The following DNMT1 variants were observed in gnomAD, a reference collection of about 807,000 sequenced individuals.
The protein encoded by DNMT1 is DNA methyltransferase 1, also known as DNA (cytosine-5)-methyltransferase 1.
In DNMT1, 24 loss-of-function variants were observed where a neutral mutation model predicts 205.3. The ratio of observed to expected loss-of-function variants is 0.12; its 90% CI spans 0.08 to 0.16. The LOEUF is 0.16. Ranked by LOEUF, DNMT1 falls within the 10% of genes least tolerant of loss-of-function variation. DNMT1 has a pLI of 1.00. For synonymous variants in DNMT1, 817 were observed against 839.8 expected (o/e 0.97, Z 0.47); for missense variants, 1,293 against 2,177.7 (o/e 0.59, Z 8.09).
intron 30 of DNMT1, 157 bp from the exon 31 acceptor site, chr19:10,141,346 T>C (rs1010663647): frequency 1.7e-5 from 12 of 720,874 alleles, no homozygotes; most frequent in East Asian, 2.7e-5. Context: ...TTTGCTACAA[T>C]AGAAACTTAA....
In DNMT1 at chr19:10,173,096, A is replaced by G. The variant is rs1435887591; in HGVS notation, c.762T>C (p.Asp254=). The G allele has an allele frequency of 6.2e-7, 1 of 1,613,986 alleles. No individual in the cohort carries two copies. Among genetic ancestry groups the G allele is most frequent in the African/African-American group, 1.3e-5 (1 of 74,910 alleles). The change falls in exon 9 of 41, where the codon GAT becomes GAC. Residue 254 remains aspartate, a synonymous_variant. Transcript: ENST00000359526. The part of the protein sequence containing the change: ...GTRTEKEEER[D]EKEEKRLRSQ... Reference sequence around the variant, plus strand: ...AGAGGTGATAGAGCTTTACTTTTTCATCTCTTTCTTCTTCCTTTTCAGTGC... The same window carrying G: ...AGAGGTGATAGAGCTTTACTTTTTCGTCTCTTTCTTCTTCCTTTTCAGTGC...
intron 1 of DNMT1, 78 bp from the exon 2 acceptor site, chr19:10,182,155 A>G (rs2039059209): frequency 3.4e-6 from 5 of 1,491,016 alleles, no homozygotes; most frequent in Non-Finnish European, 4.7e-6. Context: ...TCACAGTTCT[A>G]AAGAAGTTTT....
In DNMT1 at chr19:10,154,314, G is replaced by T. The variant is rs1247259507; in HGVS notation, c.1998C>A (p.Arg666=). The change falls in exon 22 of 41, where the codon CGC becomes CGA. Residue 666 remains arginine, a synonymous_variant. Coordinates refer to ENST00000359526, the MANE Select transcript of DNMT1 (RefSeq NM_001130823.3). The surrounding 1 kb of genome is among the most constrained non-coding windows in gnomAD (Gnocchi z 6.3). Reference sequence around the variant, plus strand: ...TTACCTCACAGACGCCACATCGCCGGCGCTTAAAGGCGTTCTCCTTGTCTT... The same window carrying T: ...TTACCTCACAGACGCCACATCGCCGTCGCTTAAAGGCGTTCTCCTTGTCTT... The part of the protein sequence containing the change: ...DREDKENAFK[R]RRCGVCEVCQ... The T allele has an allele frequency of 6.2e-7, 1 of 1,614,040 alleles. No individual in the cohort carries two copies. Among genetic ancestry groups the T allele is most frequent in the Non-Finnish European group, 8.5e-7 (1 of 1,180,010 alleles).
intron 13 of DNMT1, among the ~76,000 whole-genome samples, chr19:10,162,028 G>A (rs1009469031): frequency 1.3e-5 from 2 of 151,884 alleles, no homozygotes; most frequent in African/African-American, 4.8e-5. Flanking sequence ...TTTTAGTAGA[G>A]ACAGGGTTTC....
In DNMT1 at chr19:10,173,155, C is replaced by T. The variant is rs769029526; in HGVS notation, c.703G>A (p.Ala235Thr). 16 of 1,614,022 alleles carry T rather than the reference C, an allele frequency of 9.9e-6. No homozygotes were observed. The highest frequency in any genetic ancestry group is 1.4e-5 in the Non-Finnish European group (16 of 1,180,034). ...GATTTTGCTCTTTCAGGTTCTTCTG[C>T]AGGAAGCGGTCTAGCAACTCTGTCA... ...SRERVARPLP[A>T]EEPERAKSGT... The change falls in exon 9 of 41, where the codon GCA (alanine) becomes ACA (threonine). Residue 235 changes from alanine to threonine, a missense_variant. Transcript: ENST00000359526.
rs2145311605 is a variant in DNMT1 at position 10,156,009 on chromosome 19, T to C, written c.1400-64A>G. ...CACATCCCAAACCCAGGAGGCGCTC[T>C]AAGCGCCCACTCAGCAGACATCCCA... is the stretch of plus-strand genomic sequence containing the variant. On this transcript the variant is annotated intron_variant, in intron 18 of 40. Transcript: ENST00000359526. This position sits in a 1 kb window ranked among gnomAD's most constrained non-coding sequence, Gnocchi z 4.2. 21 of 1,536,300 alleles carry C rather than the reference T, an allele frequency of 1.4e-5. No individual in the cohort carries two copies. Among genetic ancestry groups the C allele is most frequent in the Non-Finnish European group, 1.7e-5 (19 of 1,125,036 alleles).
At chr19:10,139,330 C>T (rs907141795) in intron 34 of DNMT1, among the ~76,000 whole-genome samples, 4 of 152,348 alleles carry the variant, frequency 2.6e-5, no homozygotes, top group South Asian at 4.1e-4. Context: ...CTTCCCCTCC[C>T]GCTCTGTGCA....
Position 10,194,880 on chromosome 19 carries a change from G to A in DNMT1, c.20C>T (p.Pro7Leu), listed in dbSNP as rs1599417000. ...GACGGCCAGTGTGGGCACCCGGGCTGGGGCGGTACGCGCCGGCATCTCGGA... is the reference window on the plus strand; with the variant it reads ...GACGGCCAGTGTGGGCACCCGGGCTAGGGCGGTACGCGCCGGCATCTCGGA... MPARTA[P>L]ARVPTLAVPA... The change falls in exon 1 of 41, where the codon CCA becomes CTA. Residue 7 changes from proline (P) to leucine (L), a missense_variant. Transcript: ENST00000359526. The A allele has an allele frequency of 1.9e-6, 3 of 1,610,246 alleles. No homozygotes were observed. The highest frequency in any genetic ancestry group is 2.5e-6 in the Non-Finnish European group (3 of 1,178,708).
Position 10,154,169 on chromosome 19 carries a change from G to A in DNMT1, c.2019+124C>T. ...CCTCCCAGACCACTAACTAATTTCT[G>A]TCTCAGGGGTCACATTTGAGCAGCC... is the stretch of plus-strand genomic sequence containing the variant. On this transcript the variant is annotated intron_variant, in intron 22 of 40. Transcript: ENST00000359526. The surrounding 1 kb of genome is among the most constrained non-coding windows in gnomAD (Gnocchi z 6.3). 9.8e-7 allele frequency: 1 copy of A among 1,015,786 alleles called. No individual in the cohort carries two copies. The highest frequency in any genetic ancestry group is 1.3e-5 in the South Asian group (1 of 77,308). 62.9% of individuals were successfully genotyped at this position (1,015,786 alleles called of 1,614,324 possible).
In DNMT1 at chr19:10,154,050, C is replaced by A. The variant is rs1300272599; in HGVS notation, c.2019+243G>T. ...ACAGCAGAGCCACCCAGAAGCCAGGCTCTTCAATTAAGGACAGTGGCATTA... is the reference window on the plus strand; with the variant it reads ...ACAGCAGAGCCACCCAGAAGCCAGGATCTTCAATTAAGGACAGTGGCATTA... On this transcript the variant is annotated intron_variant, in intron 22 of 40. Transcript: ENST00000359526. The surrounding 1 kb of genome is among the most constrained non-coding windows in gnomAD (Gnocchi z 6.3). 6.6e-6 allele frequency among the ~76,000 whole-genome samples: 1 copy of A among 152,222 alleles called. No individual in the cohort carries two copies. Among genetic ancestry groups the A allele is most frequent in the Admixed American group, 6.5e-5 (1 of 15,280 alleles).
At chr19:10,134,160 C>A in intron 40 of DNMT1, 57 bp downstream of exon 40, 1 of 1,591,528 alleles carries the variant, frequency 6.3e-7, no homozygotes, top group Non-Finnish European at 8.6e-7. Flanking sequence ...ACTGCCCCCA[C>A]ATGTACCCCC....
Position 10,140,464 on chromosome 19 carries a change from G to A in DNMT1, c.3524-136C>T, listed in dbSNP as rs931904579. On this transcript the variant is annotated intron_variant, in intron 32 of 40. Transcript: ENST00000359526. The surrounding 1 kb of genome is among the most constrained non-coding windows in gnomAD (Gnocchi z 8.4). ...GGCTCACTGCAAGCTCTGCCTCCCAGGTTCAAGCGATTCTCCCACCTCAGC... is the reference window on the plus strand; with the variant it reads ...GGCTCACTGCAAGCTCTGCCTCCCAAGTTCAAGCGATTCTCCCACCTCAGC... 1 of 1,309,766 alleles carries A rather than the reference G, an allele frequency of 7.6e-7. No homozygotes were observed. The highest frequency in any genetic ancestry group is 1.5e-5 in the African/African-American group (1 of 68,048). The allele number at this position is 1,309,766 out of a possible 1,614,324, so 81.1% of individuals were successfully genotyped here.
chr19:10,193,513 G>A (rs553734292), intron 1 of DNMT1, among the ~76,000 whole-genome samples: 31 of 151,936 alleles, frequency 2.0e-4, no homozygotes, highest in African/African-American at 7.2e-4. Context: ...ACAGGCGCAC[G>A]GCACTACTCC....
rs1568240658 is a variant in DNMT1, at chr19:10,162,784, T to C, written c.927-36A>G. On this transcript the variant is annotated intron_variant, in intron 12 of 40. Transcript: ENST00000359526. ...AACAGATACACAGCAAGTAGCAGCT[T>C]AGAAACACTAACCACATCGCCAACT... 3.1e-6 allele frequency: 5 copies of C among 1,607,878 alleles called. No individual in the cohort carries two copies. In the East Asian group the frequency reaches 6.7e-5, roughly 22 times the overall value.
intron 12 of DNMT1, 85 bp from the exon 13 acceptor site, chr19:10,162,833 G>A: frequency 7.0e-7 from 1 of 1,437,520 alleles, no homozygotes. Flanking sequence ...ACAAACTAAT[G>A]CCTCCCCATG....
Position 10,159,714 on chromosome 19 carries a change from G to A in DNMT1, c.1224C>T (p.Asn408=), listed in dbSNP as rs199584370. Residue 408 remains asparagine (N), a synonymous_variant, in exon 17 of 41, where the codon AAC becomes AAT. Coordinates refer to ENST00000359526, the MANE Select transcript of DNMT1 (RefSeq NM_001130823.3). The surrounding 1 kb of genome is among the most constrained non-coding windows in gnomAD (Gnocchi z 5.0). ...CCTCATAACTCTCAAAGCCAGACTC[G>A]TTGGCATCAAAGATGGACAGCTTCT... ...TNEKLSIFDA[N]ESGFESYEAL... 2.3e-4 allele frequency: 373 copies of A among 1,614,178 alleles called. No homozygotes were observed. Among genetic ancestry groups the A allele is most frequent in the Non-Finnish European group, 1.9e-4 (229 of 1,180,026 alleles).
rs2038526466 is a variant in DNMT1 at position 10,159,666 on chromosome 19, G to A, written c.1272C>T (p.Thr424=). The A allele has an allele frequency of 6.2e-7, 1 of 1,614,082 alleles. No individual in the cohort carries two copies. The highest frequency in any genetic ancestry group is 1.3e-5 in the African/African-American group (1 of 74,928). ...CACGAAAGTGCACTTACCTGAAGCA[G>A]GTCAGTTTGTGCTGGGGAAGCGCCT... is the stretch of plus-strand genomic sequence containing the variant. ...SYEALPQHKL[T]CFSVYCKHGH... The change falls in exon 17 of 41, where the codon ACC becomes ACT. Residue 424 remains threonine (T), a synonymous_variant. Coordinates refer to ENST00000359526, the MANE Select transcript of DNMT1 (RefSeq NM_001130823.3). This position sits in a 1 kb window ranked among gnomAD's most constrained non-coding sequence, Gnocchi z 5.0.
chr19:10,183,032 T>C (rs982937370), intron 1 of DNMT1, among the ~76,000 whole-genome samples: 9 of 150,956 alleles, frequency 6.0e-5, no homozygotes, highest in South Asian at 4.2e-4. Context: ...TATGTGTATA[T>C]ATACGTATAT....
chr19:10,144,411 G>GA (rs1046664697), intron 28 of DNMT1: 4,340 of 175,276 alleles, frequency 0.025, 4 homozygotes, highest in South Asian at 0.052. Context: ...CCATCTCACA[G>GA]AAAAAAAAAA....
Sources: allele counts gnomAD v4.1 joint callset (sites outside exome capture counted in the v4.1 genomes callset), GRCh38; gene constraint gnomAD v4.1.1; non-coding constraint Gnocchi (gnomAD v3.1); transcripts MANE v1.5; gene names NCBI Gene and HGNC (gene_info 2026-07-23, HGNC 2026-07-21).